Variants in FBXL17 observed in about 807,000 individuals in gnomAD.
The protein encoded by FBXL17 is F-box/LRR-repeat protein 17.
Under a neutral mutation model 66.2 loss-of-function variants are expected in FBXL17, and 22 were observed. That is an observed-to-expected ratio of 0.33 (90% confidence interval 0.24 to 0.47). The LOEUF (loss-of-function observed/expected upper bound fraction) is 0.47. FBXL17 is among the 20% of genes least tolerant of loss of function. The pLI is 1.00. For missense variants in FBXL17, 878 were observed against 948.2 expected (o/e 0.93, Z 0.97); for synonymous variants, 474 against 400.5 (o/e 1.18, Z -2.19).
intron 6 of FBXL17, among the ~76,000 whole-genome samples, chr5:108,073,563 A>G (rs1455794433): frequency 6.6e-6 from 1 of 152,234 alleles, no homozygotes; most frequent in Non-Finnish European, 1.5e-5. Flanking sequence ...AAAAATATAC[A>G]GCAAGTAATT....
At chr5:108,156,867 T>A (rs1328873703) in intron 6 of FBXL17, among the ~76,000 whole-genome samples, 3 of 151,968 alleles carry the variant, frequency 2.0e-5, no homozygotes. Flanking sequence ...TTAGCACATT[T>A]GCATGGCAAA....
chr5:107,981,008 A>G (rs943837977), intron 7 of FBXL17, among the ~76,000 whole-genome samples: 10 of 152,078 alleles, frequency 6.6e-5, no homozygotes, highest in Non-Finnish European at 1.3e-4. Flanking sequence ...CCTGTATTAA[A>G]TTCTGGGAGG....
In FBXL17 at chr5:108,104,990, C is replaced by T. The variant is rs551307301; in HGVS notation, c.1745+81127G>A. Among the ~76,000 whole-genome samples, 38 of 152,102 alleles carry T rather than the reference C, an allele frequency of 2.5e-4. No individual in the cohort carries two copies. The South Asian group carries it at 2.7e-3, about 11-fold the overall frequency. On this transcript the variant is annotated intron_variant, in intron 6 of 8. Coordinates refer to ENST00000542267, the MANE Select transcript of FBXL17 (RefSeq NM_001163315.3). ...CTGAGTAGCTGGGACTACAGGTGCC[C>T]GCCACGATGCCCAGCTAATTTTTTG... is the stretch of plus-strand genomic sequence containing the variant.
At chr5:108,339,045 T>C (rs139803572) in intron 4 of FBXL17, among the ~76,000 whole-genome samples, 237 of 152,188 alleles carry the variant, frequency 1.6e-3, no homozygotes, top group African/African-American at 5.5e-3. Context: ...TACAATAAAA[T>C]GATGGAAAAA....
chr5:108,352,638 G>A (rs1747726433), intron 3 of FBXL17, among the ~76,000 whole-genome samples: 2 of 151,854 alleles, frequency 1.3e-5, no homozygotes. Context: ...AGCCTCCCGA[G>A]TAGCTGGGAC....
intron 4 of FBXL17, among the ~76,000 whole-genome samples, chr5:108,271,734 C>T (rs1271108914): frequency 6.6e-6 from 1 of 152,154 alleles, no homozygotes; most frequent in East Asian, 1.9e-4. Context: ...AATGTTCATT[C>T]ATTGCTTTCA....
chr5:107,913,672 ACT>A (rs1052909557), intron 7 of FBXL17, among the ~76,000 whole-genome samples: 1 of 152,072 alleles, frequency 6.6e-6, no homozygotes, highest in Non-Finnish European at 1.5e-5. Context: ...AAAGGAGCAC[ACT>A]CTAACGCTTA....
chr5:107,870,231 G>A (rs1748400429), intron 8 of FBXL17, among the ~76,000 whole-genome samples: 1 of 152,152 alleles, frequency 6.6e-6, no homozygotes, highest in Non-Finnish European at 1.5e-5. Context: ...CTGAAGGCAA[G>A]GTCTGAACTA....
intron 6 of FBXL17, among the ~76,000 whole-genome samples, chr5:108,110,861 G>A (rs1750006888): frequency 6.6e-6 from 1 of 151,994 alleles, no homozygotes; most frequent in Non-Finnish European, 1.5e-5. Flanking sequence ...GATGGCATTT[G>A]ATTTTTTGTA....
At chr5:107,890,330 A>G (rs1424231081) in intron 7 of FBXL17, among the ~76,000 whole-genome samples, 1 of 151,764 alleles carries the variant, frequency 6.6e-6, no homozygotes, top group Admixed American at 6.6e-5. Flanking sequence ...GTAAAGACCG[A>G]ATGTCAGTTT....
chr5:108,329,028 A>G (rs1759994207), intron 4 of FBXL17, among the ~76,000 whole-genome samples: 1 of 152,112 alleles, frequency 6.6e-6, no homozygotes, highest in Non-Finnish European at 1.5e-5. Flanking sequence ...TTCAAGCTCC[A>G]AGGTGCTTTT....
At chr5:108,259,224 T>C (rs760649533) in intron 4 of FBXL17, among the ~76,000 whole-genome samples, 6 of 152,188 alleles carry the variant, frequency 3.9e-5, no homozygotes, top group Non-Finnish European at 8.8e-5. Flanking sequence ...GAAACTATGT[T>C]GGTTAAAAAT....
At chr5:108,363,015 C>A (rs1006270116) in intron 3 of FBXL17, among the ~76,000 whole-genome samples, 1 of 151,964 alleles carries the variant, frequency 6.6e-6, no homozygotes, top group African/African-American at 2.4e-5. Context: ...CCAGGCAAAT[C>A]ATCAATTATG....
At position 108,299,182 on chromosome 5, in the gene FBXL17, A is replaced by C. The variant is rs887256384; in HGVS notation, c.1506+49217T>G. ...ATCAAGTTTGTTTTTCTTTTAAACA[A>C]ATGGCAGAGTTGGACCTTTATACCT... On this transcript the variant is annotated intron_variant, in intron 4 of 8. Coordinates refer to ENST00000542267, the MANE Select transcript of FBXL17 (RefSeq NM_001163315.3). 6.1e-6 allele frequency: 6 copies of C among 984,718 alleles called. No individual in the cohort carries two copies. In the African/African-American group the frequency reaches 1.0e-4, roughly 17 times the overall value. The allele number at this position is 984,718 out of a possible 1,614,324, so 61.0% of individuals were successfully genotyped here. A position where few individuals can be genotyped will look rare whatever the true frequency, so the allele number is the denominator to read the frequency against.
intron 6 of FBXL17, among the ~76,000 whole-genome samples, chr5:108,045,326 C>T (rs1747211620): frequency 6.6e-6 from 1 of 152,016 alleles, no homozygotes; most frequent in Admixed American, 6.5e-5. Flanking sequence ...CCTGTAATCC[C>T]GGCTACTTGG....
At chr5:107,896,268 G>T (rs889012500) in intron 7 of FBXL17, among the ~76,000 whole-genome samples, 1 of 151,894 alleles carries the variant, frequency 6.6e-6, no homozygotes, top group Non-Finnish European at 1.5e-5. Context: ...TTAAACTTTA[G>T]GTTAATTTGA....
rs1749814445 is a variant in FBXL17 at position 108,380,867 on chromosome 5, G to A, written c.825C>T (p.Gly275=). The A allele has an allele frequency of 8.0e-7, 1 of 1,243,748 alleles. No individual in the cohort carries two copies. The highest frequency in any genetic ancestry group is 1.0e-6 in the Non-Finnish European group (1 of 987,498). The allele number at this position is 1,243,748 out of a possible 1,614,324, so 77.0% of individuals were successfully genotyped here. Residue 275 remains glycine (G), a synonymous_variant, in exon 1 of 9, where the codon GGC becomes GGT. Transcript: ENST00000542267. Reference sequence around the variant, plus strand: ...TGCCCCCGGCTCGGACAGCGTCCCCGCCAGCTTCGGTGGGGGCACCTTCGG... The same window carrying A: ...TGCCCCCGGCTCGGACAGCGTCCCCACCAGCTTCGGTGGGGGCACCTTCGG... ...PTSEGAPTEA[G]GDAVRAGGTA... is the part of the protein sequence containing the mutation.
Position 108,283,526 on chromosome 5 carries a change from T to A in FBXL17, c.1507-59298A>T, listed in dbSNP as rs117467914. Among the ~76,000 whole-genome samples, 20 of 151,926 alleles carry A rather than the reference T, an allele frequency of 1.3e-4. No homozygotes were observed. In the East Asian group the frequency reaches 3.9e-3, roughly 29 times the overall value. Reference sequence around the variant, plus strand: ...CCCAATCTCTCACCATATACAAAAATACACTCAAGATGGATTAAAGACTTA... The same window carrying A: ...CCCAATCTCTCACCATATACAAAAAAACACTCAAGATGGATTAAAGACTTA... On this transcript the variant is annotated intron_variant, in intron 4 of 8. Transcript: ENST00000542267.
At position 108,107,623 on chromosome 5, in the gene FBXL17, T is replaced by C. The variant is rs548496096; in HGVS notation, c.1745+78494A>G. ...GTCAGGAGATTGAGATCATCCTGGC[T>C]AACACGGTGAAACCCCATCTCTACT... On this transcript the variant is annotated intron_variant, in intron 6 of 8. Coordinates refer to ENST00000542267, the MANE Select transcript of FBXL17 (RefSeq NM_001163315.3). 3.1e-3 allele frequency among the ~76,000 whole-genome samples: 471 copies of C among 151,736 alleles called. 2 individuals carry two copies. The highest frequency in any genetic ancestry group is 0.011 in the African/African-American group (456 of 41,398).
Sources: gnomAD v4.1 joint callset for allele counts (sites outside exome capture counted in the v4.1 genomes callset) on GRCh38, gnomAD v4.1.1 for gene constraint, MANE v1.5 for transcripts, NCBI Gene and HGNC (gene_info 2026-07-23, HGNC 2026-07-21) for gene names.